VPS13C: variants seen among roughly 807,000 people sequenced by gnomAD.
VPS13C encodes the protein intermembrane lipid transfer protein VPS13C.
VPS13C carries 358 observed loss-of-function variants against 456.8 expected under a neutral mutation model. The observed-to-expected ratio is 0.78, with a 90% confidence interval of 0.72 to 0.86. The LOEUF (loss-of-function observed/expected upper bound fraction) is 0.86, where lower values mean the gene tolerates loss of function less well. Ranked by LOEUF, VPS13C falls within the 40% of genes least tolerant of loss-of-function variation. The probability of loss-of-function intolerance (pLI) is 0.00; values close to 1 mark genes in which losing one functional copy is unlikely to be tolerated. For synonymous variants in VPS13C, 1,578 were observed against 1,486.7 expected, an observed-to-expected ratio of 1.06 and a Z score of -1.41; for missense variants, 4,818 against 4,385.4, an observed-to-expected ratio of 1.10 and a Z score of -2.79.
At chr15:61,870,967 T>C (rs955754057) in intron 79 of VPS13C, among the ~76,000 whole-genome samples, 8 of 152,200 alleles carry the variant, frequency 5.3e-5, no homozygotes, top group Non-Finnish European at 8.8e-5. Flanking sequence ...TGTCTTTTTA[T>C]TGTTGATTTT....
chr15:62,050,174 G>T (rs1190613219), intron 1 of VPS13C, among the ~76,000 whole-genome samples: 2 of 152,104 alleles, frequency 1.3e-5, no homozygotes, highest in Non-Finnish European at 2.9e-5. Context: ...AACAAACAGG[G>T]ATATGTTAAC....
chr15:62,013,208 A>G, intron 10 of VPS13C, 89 bp from the exon 11 acceptor site: 1 of 840,388 alleles, frequency 1.2e-6, no homozygotes, highest in South Asian at 2.6e-5. Flanking sequence ...TCACCACTCC[A>G]AAATTACCCA....
At chr15:61,959,956 T>C (rs757743393) in intron 35 of VPS13C, among the ~76,000 whole-genome samples, 1 of 152,136 alleles carries the variant, frequency 6.6e-6, no homozygotes, top group Non-Finnish European at 1.5e-5. Context: ...GATGGCAAAG[T>C]GAACAAGAGG....
chr15:62,012,033 A>C, intron 12 of VPS13C, 74 bp downstream of exon 12: 2 of 931,736 alleles, frequency 2.1e-6, no homozygotes, highest in East Asian at 5.6e-5. Flanking sequence ...GTTTATCAGA[A>C]AACTATGTTA....
rs769844617 is a variant in VPS13C, at chr15:61,929,632, G to C, written c.6155C>G (p.Ala2052Gly). ...CACAGTCATCAGAAATTCCACACTG[G>C]CACATACATACAGCTTGTCAAGAAC... Reference protein sequence around the residue: ...DAVLDKLYVCASVEFLMTVAD... With the variant: ...DAVLDKLYVCGSVEFLMTVAD... The change falls in exon 51 of 85, where the codon GCC (alanine) becomes GGC (glycine). Residue 2052 changes from alanine (A) to glycine (G), a missense_variant. Transcript: ENST00000644861. 8.7e-6 allele frequency: 14 copies of C among 1,613,856 alleles called. No homozygotes were observed. Among genetic ancestry groups the C allele is most frequent in the Non-Finnish European group, 1.2e-5 (14 of 1,179,980 alleles).
chr15:61,887,740 A>C (rs1202677363), intron 67 of VPS13C, among the ~76,000 whole-genome samples: 1 of 152,076 alleles, frequency 6.6e-6, no homozygotes, highest in Admixed American at 6.6e-5. Context: ...TATAAAACAC[A>C]AAATTACAAA....
At chr15:61,903,303 T>G (rs1448885410) in intron 66 of VPS13C, among the ~76,000 whole-genome samples, 1 of 151,114 alleles carries the variant, frequency 6.6e-6, no homozygotes, top group African/African-American at 2.4e-5. Context: ...ACCACTGCAC[T>G]CCAGCCCAGG....
rs759418894 is a variant in VPS13C at position 61,962,433 on chromosome 15, G to C, written c.3541C>G (p.Leu1181Val). 6.2e-7 allele frequency: 1 copy of C among 1,611,020 alleles called. No homozygotes were observed. The highest frequency in any genetic ancestry group is 1.7e-5 in the Admixed American group (1 of 59,968). ...TGAATACAGCCAACATTCAGAGACA[G>C]CACACCATCCACTTTGGACATGTCA... ...YTDMSKVDGV[L>V]SLNVGCIQIV... Residue 1181 changes from leucine to valine, a missense_variant, in exon 34 of 85, where the codon CTG (leucine) becomes GTG (valine). Leu to Val is a conservative substitution (Grantham distance 32). Around this residue, in one of 3 missense-constraint regions of VPS13C, gnomAD observed 4,552 missense variants for 4,130.6 expected, o/e 1.10. Transcript: ENST00000644861.
intron 5 of VPS13C, among the ~76,000 whole-genome samples, chr15:62,032,560 G>A (rs1208302492): frequency 6.6e-6 from 1 of 151,542 alleles, no homozygotes. Context: ...AAATTTAAAG[G>A]AACAACCTAT....
intron 6 of VPS13C, among the ~76,000 whole-genome samples, chr15:62,025,123 G>T (rs1425679750): frequency 6.6e-6 from 1 of 152,034 alleles, no homozygotes; most frequent in African/African-American, 2.4e-5. Flanking sequence ...AAAGCACACA[G>T]TACTTATCTG....
chr15:61,978,280 ATT>A (rs1439405470), intron 23 of VPS13C, among the ~76,000 whole-genome samples: 17 of 152,110 alleles, frequency 1.1e-4, no homozygotes, highest in Admixed American at 1.1e-3. Context: ...GGAAAATAAT[ATT>A]GAGTCATCCC....
At chr15:62,005,333 T>C (rs2046793698) in intron 15 of VPS13C, among the ~76,000 whole-genome samples, 1 of 152,218 alleles carries the variant, frequency 6.6e-6, no homozygotes, top group East Asian at 1.9e-4. Context: ...GAGACTAGGA[T>C]TGCAACCCCT....
intron 14 of VPS13C, 25 bp from the exon 15 acceptor site, chr15:62,007,504 A>C: frequency 6.5e-7 from 1 of 1,537,304 alleles, no homozygotes; most frequent in Non-Finnish European, 8.8e-7. Flanking sequence ...TTGTTAACGT[A>C]AATGTTAATA....
chr15:61,925,565 G>C lies in VPS13C; in HGVS notation c.6517-17C>G. On this transcript the variant is annotated splice_polypyrimidine_tract_variant and intron_variant, in intron 52 of 84. Coordinates refer to ENST00000644861, the MANE Select transcript of VPS13C (RefSeq NM_020821.3). ...CTGCAAGACCTATAAACAGATAAAT[G>C]AAATTCACATTTCCATAGATCCATT... The C allele has an allele frequency of 1.3e-6, 2 of 1,529,530 alleles. No individual in the cohort carries two copies. Among genetic ancestry groups the C allele is most frequent in the East Asian group, 4.6e-5 (2 of 43,458 alleles). The allele number at this position is 1,529,530 out of a possible 1,614,324, so 94.7% of individuals were successfully genotyped here.
intron 61 of VPS13C, among the ~76,000 whole-genome samples, 157 bp from the exon 62 acceptor site, chr15:61,913,572 A>G (rs1774054239): frequency 6.6e-6 from 1 of 152,202 alleles, no homozygotes; most frequent in South Asian, 2.1e-4. Context: ...CAGAACCACA[A>G]AAAACTCTAG....
At chr15:61,915,458 G>C (rs955560159) in intron 61 of VPS13C, among the ~76,000 whole-genome samples, 175 bp downstream of exon 61, 6 of 152,134 alleles carry the variant, frequency 3.9e-5, no homozygotes, top group Non-Finnish European at 8.8e-5. Flanking sequence ...CATAGTCTCA[G>C]GAAACCTATT....
chr15:61,920,685 G>A, intron 55 of VPS13C, 38 bp from the exon 56 acceptor site: 1 of 1,522,754 alleles, frequency 6.6e-7, no homozygotes, highest in South Asian at 1.3e-5. Flanking sequence ...TAAATTATTA[G>A]CCAGTTGATA....
At chr15:61,886,985 C>T (rs912614417) in intron 67 of VPS13C, among the ~76,000 whole-genome samples, 1 of 152,164 alleles carries the variant, frequency 6.6e-6, no homozygotes, top group Non-Finnish European at 1.5e-5. Context: ...TGCTTTCCCA[C>T]CAGGATTAGG....
chr15:61,991,480 GTTTTA>G (rs2046221670), intron 17 of VPS13C, among the ~76,000 whole-genome samples, 188 bp downstream of exon 17: 1 of 151,948 alleles, frequency 6.6e-6, no homozygotes, highest in Non-Finnish European at 1.5e-5. Context: ...AAAAATCAAT[GTTTTA>G]TTTTAGTCTA....
Sources: gnomAD v4.1 joint callset for allele counts (sites outside exome capture counted in the v4.1 genomes callset) on GRCh38, gnomAD v4.1.1 for gene constraint, gnomAD v4.1.1 regional missense constraint, MANE v1.5 for transcripts, NCBI Gene and HGNC (gene_info 2026-07-23, HGNC 2026-07-21) for gene names.